Variants in GABRB1 observed in about 807,000 individuals in gnomAD.
GABRB1 encodes gamma-aminobutyric acid type A receptor subunit beta1, also known as gamma-aminobutyric acid receptor subunit beta-1.
Under a neutral mutation model 51.6 loss-of-function variants are expected in GABRB1, and 17 were observed. The ratio of observed to expected loss-of-function variants is 0.33; its 90% CI spans 0.23 to 0.49. The LOEUF is 0.49. Among genes scored for constraint, GABRB1 ranks in the 20% least tolerant of loss-of-function variants. GABRB1 has a pLI of 0.99. For missense variants in GABRB1, 410 were observed against 600.6 expected (o/e 0.68, Z 3.32); for synonymous variants, 247 against 218.9 (o/e 1.13, Z -1.14).
chr4:47,414,608 C>T (rs946525795), intron 8 of GABRB1, among the ~76,000 whole-genome samples: 48 of 152,162 alleles, frequency 3.2e-4, no homozygotes, highest in African/African-American at 1.1e-3. Flanking sequence ...GATTTATTTT[C>T]CTTTCACAAT....
At chr4:47,383,207 A>G (rs1727654192) in intron 5 of GABRB1, among the ~76,000 whole-genome samples, 1 of 152,234 alleles carries the variant, frequency 6.6e-6, no homozygotes, top group Admixed American at 6.5e-5. Context: ...GAGAGGATCC[A>G]AAAACCATGC....
intron 4 of GABRB1, among the ~76,000 whole-genome samples, chr4:47,284,135 C>A (rs1192163032): frequency 6.7e-6 from 1 of 150,344 alleles, no homozygotes; most frequent in African/African-American, 2.4e-5. Flanking sequence ...GTCCCATTTT[C>A]CATTTTCCAT....
intron 3 of GABRB1, among the ~76,000 whole-genome samples, chr4:47,152,365 T>C (rs1445773140): frequency 6.6e-6 from 1 of 151,974 alleles, no homozygotes; most frequent in African/African-American, 2.4e-5. Flanking sequence ...AGATAAACTT[T>C]GCCTTTCAGG....
chr4:47,282,360 C>T (rs534036123), intron 4 of GABRB1, among the ~76,000 whole-genome samples: 69 of 152,294 alleles, frequency 4.5e-4, no homozygotes, highest in African/African-American at 1.5e-3. Flanking sequence ...TCTCCCACCC[C>T]TACCAACCTG....
intron 4 of GABRB1, among the ~76,000 whole-genome samples, chr4:47,198,890 G>A (rs1345704862): frequency 1.3e-5 from 2 of 152,172 alleles, no homozygotes; most frequent in Admixed American, 6.5e-5. Flanking sequence ...ATGGTGGCAG[G>A]TGAGCAGAGA....
intron 1 of GABRB1, among the ~76,000 whole-genome samples, chr4:47,010,755 G>A (rs1232408221): frequency 6.6e-6 from 1 of 152,140 alleles, no homozygotes; most frequent in Non-Finnish European, 1.5e-5. Context: ...TTCACTTTTG[G>A]AACATTGCTT....
At chr4:47,261,527 T>C (rs1180908571) in intron 4 of GABRB1, among the ~76,000 whole-genome samples, 1 of 152,036 alleles carries the variant, frequency 6.6e-6, no homozygotes, top group African/African-American at 2.4e-5. Flanking sequence ...AAACCACTGC[T>C]CAATGAAATA....
At chr4:47,362,643 A>T (rs1455312247) in intron 5 of GABRB1, among the ~76,000 whole-genome samples, 4 of 152,180 alleles carry the variant, frequency 2.6e-5, no homozygotes, top group Non-Finnish European at 5.9e-5. Flanking sequence ...ATGCACTCAG[A>T]GGACAGACTA....
intron 3 of GABRB1, among the ~76,000 whole-genome samples, chr4:47,090,160 G>A (rs1486141494): frequency 2.0e-5 from 3 of 152,118 alleles, no homozygotes. Flanking sequence ...CCTGCCTAAG[G>A]GCTAGAAAAT....
At chr4:47,378,657 TGTATTTTCAGTAGA>T (rs1272350683) in intron 5 of GABRB1, among the ~76,000 whole-genome samples, 1 of 152,204 alleles carries the variant, frequency 6.6e-6, no homozygotes, top group Non-Finnish European at 1.5e-5. Context: ...GCTAATTTTT[TGTATTTTCAGTAGA>T]GACGGGGTTT....
chr4:47,241,380 CACTG>C (rs1036792426), intron 4 of GABRB1, among the ~76,000 whole-genome samples: 3 of 152,116 alleles, frequency 2.0e-5, no homozygotes, highest in Non-Finnish European at 4.4e-5. Flanking sequence ...TGTGTGTTAG[CACTG>C]ACTAACAAGA....
At chr4:47,198,028 GA>G (rs1719755701) in intron 4 of GABRB1, among the ~76,000 whole-genome samples, 1 of 152,080 alleles carries the variant, frequency 6.6e-6, no homozygotes, top group African/African-American at 2.4e-5. Flanking sequence ...TGAATATCAC[GA>G]GAGGGCAGCG....
At chr4:47,348,667 T>G (rs1726192918) in intron 5 of GABRB1, among the ~76,000 whole-genome samples, 1 of 152,154 alleles carries the variant, frequency 6.6e-6, no homozygotes, top group Non-Finnish European at 1.5e-5. Flanking sequence ...CCCTCCAGAT[T>G]TTGTAGAAGT....
intron 5 of GABRB1, among the ~76,000 whole-genome samples, chr4:47,383,131 A>G (rs1727651730): frequency 6.6e-6 from 1 of 152,238 alleles, no homozygotes; most frequent in Non-Finnish European, 1.5e-5. Flanking sequence ...ACAAGAAAGC[A>G]TGACAGTTTG....
chr4:47,335,786 A>T (rs1217455879), intron 5 of GABRB1, among the ~76,000 whole-genome samples: 1 of 152,220 alleles, frequency 6.6e-6, no homozygotes, highest in Non-Finnish European at 1.5e-5. Context: ...AAGCAAAAGC[A>T]TGCTTAGATT....
chr4:47,238,002 C>CATTGCA, intron 4 of GABRB1, among the ~76,000 whole-genome samples: 1 of 151,828 alleles, frequency 6.6e-6, no homozygotes, highest in African/African-American at 2.4e-5. Context: ...TCATATTTTG[C>CATTGCA]ATTGCAATAA....
At chr4:47,275,993 A>G (rs1017353733) in intron 4 of GABRB1, among the ~76,000 whole-genome samples, 5 of 152,200 alleles carry the variant, frequency 3.3e-5, no homozygotes, top group Non-Finnish European at 7.4e-5. Flanking sequence ...TACCATATGC[A>G]TGAAACTGAA....
At chr4:47,346,924 T>C (rs1185739876) in intron 5 of GABRB1, among the ~76,000 whole-genome samples, 5 of 152,068 alleles carry the variant, frequency 3.3e-5, no homozygotes, top group African/African-American at 1.2e-4. Context: ...GGAGGATGAG[T>C]GTAACATCTT....
At chr4:47,221,040 C>G (rs1327767109) in intron 4 of GABRB1, among the ~76,000 whole-genome samples, 1 of 151,990 alleles carries the variant, frequency 6.6e-6, no homozygotes, top group Non-Finnish European at 1.5e-5. Flanking sequence ...AATTCCCCTC[C>G]TAAATGTCCC....
Sources: allele counts gnomAD v4.1 joint callset (sites outside exome capture counted in the v4.1 genomes callset), GRCh38; gene constraint gnomAD v4.1.1; transcripts MANE v1.5; gene names NCBI Gene and HGNC (gene_info 2026-07-23, HGNC 2026-07-21).